RECQL5: variants seen among roughly 807,000 people sequenced by gnomAD.
The protein encoded by RECQL5 is ATP-dependent DNA helicase Q5.
A neutral mutation model predicts 103.4 loss-of-function variants in RECQL5; 88 were observed. That is an observed-to-expected ratio of 0.85 (90% CI 0.72 to 1.02). RECQL5 has a LOEUF of 1.02. Among genes scored for constraint, RECQL5 ranks in the 50% least tolerant of loss-of-function variants. The pLI is 0.00. For synonymous variants in RECQL5, 552 were observed against 507.9 expected (o/e 1.09, Z -1.17); for missense variants, 1,232 against 1,284.3 (o/e 0.96, Z 0.62).
chr17:75,660,920 C>T, intron 6 of RECQL5, 35 bp downstream of exon 6: 1 of 1,521,390 alleles, frequency 6.6e-7, no homozygotes, highest in South Asian at 1.1e-5. Flanking sequence ...GAGCCAGGCC[C>T]AGACCAGGAG....
At chr17:75,628,132 TG>T in intron 18 of RECQL5, 85 bp downstream of exon 18, 1 of 1,219,222 alleles carries the variant, frequency 8.2e-7, no homozygotes. Flanking sequence ...CACTGTGTTC[TG>T]GGGCTCAAAC....
intron 8 of RECQL5, chr17:75,646,846 G>C (rs1158124682): frequency 6.5e-6 from 1 of 152,930 alleles, no homozygotes; most frequent in African/African-American, 2.4e-5. Context: ...CTTGCAGTCT[G>C]CGATAAGGAG....
chr17:75,641,011 G>T (rs551400753), intron 8 of RECQL5: 1 of 1,471,128 alleles, frequency 6.8e-7, no homozygotes, highest in East Asian at 2.5e-5. Context: ...CCTGGCCCCA[G>T]CTCTGGCCCA....
chr17:75,642,254 T>G (rs886410461), intron 8 of RECQL5, among the ~76,000 whole-genome samples: 11 of 152,108 alleles, frequency 7.2e-5, no homozygotes, highest in Non-Finnish European at 1.3e-4. Flanking sequence ...CATCCCGAGG[T>G]GCCTCCCCGG....
At position 75,662,670 on chromosome 17, in the gene RECQL5, T is replaced by A. The variant is rs1403765879; in HGVS notation, c.580A>T (p.Thr194Ser). ...TCCTCTTGGACCTGTGGGGTGGCTGTGGCGGTCAGAGCCACACAAGGGGCA... is the reference window on the plus strand; with the variant it reads ...TCCTCTTGGACCTGTGGGGTGGCTGAGGCGGTCAGAGCCACACAAGGGGCA... The part of the protein sequence containing the change: ...GHAPCVALTA[T>S]ATPQVQEDVF... Residue 194 changes from threonine (T) to serine (S), a missense_variant, in exon 4 of 20, where the codon ACA becomes TCA. By Grantham distance (58) the Thr-to-Ser change is moderately conservative. Transcript: ENST00000317905. 3 of 1,614,114 alleles carry A rather than the reference T, an allele frequency of 1.9e-6. No homozygotes were observed. In the East Asian group the frequency reaches 6.7e-5, roughly 36 times the overall value.
intron 7 of RECQL5, among the ~76,000 whole-genome samples, chr17:75,657,738 C>T (rs2059642672): frequency 6.8e-6 from 1 of 146,758 alleles, no homozygotes; most frequent in East Asian, 2.0e-4. Flanking sequence ...AGTGAGAGAC[C>T]TTGTCTCTTA....
intron 7 of RECQL5, among the ~76,000 whole-genome samples, chr17:75,651,944 G>A (rs1436087449): frequency 6.6e-6 from 1 of 152,040 alleles, no homozygotes; most frequent in Non-Finnish European, 1.5e-5. Context: ...CTTAAAACAT[G>A]AATTTAAAAT....
Position 75,651,169 on chromosome 17 carries a change from T to A in RECQL5, c.1229+17A>T. The A allele has an allele frequency of 1.2e-6, 2 of 1,614,052 alleles. No homozygotes were observed. Among genetic ancestry groups the A allele is most frequent in the Non-Finnish European group, 1.7e-6 (2 of 1,180,008 alleles). ...TCTCACTGACACTTTGCTCCACATATAAAATAAGTCACTTACCCCAGTTCT... is the reference window on the plus strand; with the variant it reads ...TCTCACTGACACTTTGCTCCACATAAAAAATAAGTCACTTACCCCAGTTCT... On this transcript the variant is annotated intron_variant, in intron 8 of 19. Coordinates refer to ENST00000317905, the MANE Select transcript of RECQL5 (RefSeq NM_004259.7).
chr17:75,661,395 C>T (rs1003212227), intron 5 of RECQL5, among the ~76,000 whole-genome samples: 4 of 152,240 alleles, frequency 2.6e-5, no homozygotes, highest in African/African-American at 9.6e-5. Flanking sequence ...GGTAGGCATA[C>T]AGTGGGAAGA....
At position 75,661,598 on chromosome 17, in the gene RECQL5, C is replaced by G; in HGVS notation, c.874+8G>C. ...TGAAGAGACTCAAGTGGCCTGGGTG[C>G]CCCTTACCTGCATGGTAAGCCTTGG... On this transcript the variant is annotated splice_region_variant and intron_variant, in intron 5 of 19. Coordinates refer to ENST00000317905, the MANE Select transcript of RECQL5 (RefSeq NM_004259.7). 1 of 1,607,172 alleles carries G rather than the reference C, an allele frequency of 6.2e-7. No individual in the cohort carries two copies. The highest frequency in any genetic ancestry group is 8.5e-7 in the Non-Finnish European group (1 of 1,173,872).
Position 75,631,538 on chromosome 17 carries a change from T to C in RECQL5, c.1360A>G (p.Ser454Gly). 1 of 1,613,196 alleles carries C rather than the reference T, an allele frequency of 6.2e-7. No individual in the cohort carries two copies. The highest frequency in any genetic ancestry group is 8.5e-7 in the Non-Finnish European group (1 of 1,179,966). ...LEALERSSSW[S>G]KTCIGPSQGN... ...TGGGAGGGCCCGATGCAGGTCTTGC[T>C]CCAGCTGCTGCTGCGCTCCAAGGCC... The change falls in exon 9 of 20, where the codon AGC becomes GGC. Residue 454 changes from serine (S) to glycine (G), a missense_variant. By Grantham distance (56) the Ser-to-Gly change is moderately conservative (BLOSUM62 0). Transcript: ENST00000317905.
chr17:75,645,972 C>T lies in RECQL5; in HGVS notation c.1229+5214G>A, dbSNP rs2059484445. Among the ~76,000 whole-genome samples, 2 of 152,362 alleles carry T rather than the reference C, an allele frequency of 1.3e-5. 1 individual carries two copies. Among genetic ancestry groups the T allele is most frequent in the South Asian group, 4.1e-4 (2 of 4,832 alleles). Reference sequence around the variant, plus strand: ...CTCTCTGATCTCACAACTGGACACACAGTGCCTGGCATGGTTCCTGGCCAT... The same window carrying T: ...CTCTCTGATCTCACAACTGGACACATAGTGCCTGGCATGGTTCCTGGCCAT... On this transcript the variant is annotated intron_variant, in intron 8 of 19. Transcript: ENST00000317905.
At chr17:75,638,259 T>TC (rs2059365583) in intron 8 of RECQL5, 1 of 152,060 alleles carries the variant, frequency 6.6e-6, no homozygotes, top group Admixed American at 6.5e-5. Context: ...CGAGGGCGGA[T>TC]CACCTGATGT....
intron 8 of RECQL5, chr17:75,633,883 AAGG>A (rs1049906208): frequency 5.0e-6 from 5 of 992,560 alleles, no homozygotes; most frequent in Non-Finnish European, 3.6e-6. Context: ...GAGGAGGAGG[AAGG>A]AGGAGGAGAG....
rs1050262532 is a variant in RECQL5, at chr17:75,640,400, G to C, written c.1230-8732C>G. ...AGAGACCACACCATGGTGCCAGCCA[G>C]AGGGCTGGCAGAGGTGGCGGGTGTC... On this transcript the variant is annotated intron_variant, in intron 8 of 19. Coordinates refer to ENST00000317905, the MANE Select transcript of RECQL5 (RefSeq NM_004259.7). The surrounding 1 kb of genome is among the most constrained non-coding windows in gnomAD (Gnocchi z 4.6). 4.1e-6 allele frequency: 6 copies of C among 1,458,830 alleles called. No homozygotes were observed. Among genetic ancestry groups the C allele is most frequent in the East Asian group, 5.0e-5 (2 of 39,738 alleles). 90.4% of individuals were successfully genotyped at this position (1,458,830 alleles called of 1,614,324 possible). A position where few individuals can be genotyped will look rare whatever the true frequency, so the allele number is the denominator to read the frequency against.
intron 7 of RECQL5, among the ~76,000 whole-genome samples, chr17:75,655,799 C>A (rs2059612403): frequency 6.6e-6 from 1 of 152,188 alleles, no homozygotes; most frequent in African/African-American, 2.4e-5. Flanking sequence ...CCCACCTCAG[C>A]CTTCCCAGTA....
At chr17:75,661,494 G>A (rs1201751770) in intron 5 of RECQL5, 112 bp downstream of exon 5, 1 of 736,132 alleles carries the variant, frequency 1.4e-6, no homozygotes, top group African/African-American at 1.8e-5. Flanking sequence ...CTCTGCCTGA[G>A]TATCTGCAAT....
chr17:75,630,374 G>C (rs2059184597), intron 13 of RECQL5, 97 bp from the exon 14 acceptor site: 1 of 1,155,828 alleles, frequency 8.7e-7, no homozygotes, highest in East Asian at 2.6e-5. Flanking sequence ...GGTAGGCCTT[G>C]GGCACAGGGA....
At chr17:75,633,768 G>C in intron 8 of RECQL5, 1 of 1,022,158 alleles carries the variant, frequency 9.8e-7, no homozygotes, top group South Asian at 3.3e-5. Context: ...ACAGGCTCAG[G>C]TGGAGCCTCC....
Sources: gnomAD v4.1 joint callset for allele counts (sites outside exome capture counted in the v4.1 genomes callset) on GRCh38, gnomAD v4.1.1 for gene constraint, Gnocchi (gnomAD v3.1) non-coding constraint, MANE v1.5 for transcripts, NCBI Gene and HGNC (gene_info 2026-07-23, HGNC 2026-07-21) for gene names.